NRCAM: variants seen among roughly 807,000 people sequenced by gnomAD.
NRCAM encodes NgCAM-related cell adhesion molecule.
A neutral mutation model predicts 156.5 loss-of-function variants in NRCAM; 83 were observed. The observed-to-expected ratio is 0.53, with a 90% CI of 0.44 to 0.64. NRCAM has a LOEUF of 0.64. NRCAM is among the 30% of genes least tolerant of loss of function. The pLI, the probability that NRCAM is intolerant of heterozygous loss-of-function variation, is 0.00. For missense variants in NRCAM, 1,417 were observed against 1,597.3 expected (o/e 0.89, Z 1.92); for synonymous variants, 538 against 563.9 (o/e 0.95, Z 0.65).
intron 20 of NRCAM, among the ~76,000 whole-genome samples, chr7:108,187,807 T>G: frequency 6.6e-6 from 1 of 151,246 alleles, no homozygotes; most frequent in African/African-American, 2.4e-5. Context: ...AAAAAAAAAG[T>G]AGCCGGGTGT....
chr7:108,242,842 G>T (rs1055639969), intron 3 of NRCAM, among the ~76,000 whole-genome samples: 5 of 152,130 alleles, frequency 3.3e-5, no homozygotes, highest in African/African-American at 9.7e-5. Flanking sequence ...AATTTCTGTT[G>T]TAAGTTCTTC....
chr7:108,156,770 A>G (rs2045732406), intron 32 of NRCAM: 1 of 152,168 alleles, frequency 6.6e-6, no homozygotes, highest in Non-Finnish European at 1.5e-5. Context: ...TCAATAAATA[A>G]TACAGAGCTC....
At chr7:108,242,533 G>A (rs1017681411) in intron 3 of NRCAM, among the ~76,000 whole-genome samples, 4 of 152,110 alleles carry the variant, frequency 2.6e-5, no homozygotes, top group Admixed American at 6.6e-5. Context: ...TAGGTCTCTC[G>A]TGAGTTTTTG....
At chr7:108,299,259 T>A (rs759202818) in intron 3 of NRCAM, among the ~76,000 whole-genome samples, 1 of 151,432 alleles carries the variant, frequency 6.6e-6, no homozygotes, top group Non-Finnish European at 1.5e-5. Flanking sequence ...GAAGCAGTAG[T>A]TACCGAGCTG....
In NRCAM at chr7:108,226,234, T is replaced by C. The variant is rs1391574685; in HGVS notation, c.695A>G (p.Gln232Arg). The C allele has an allele frequency of 6.2e-7, 1 of 1,602,460 alleles. No homozygotes were observed. The highest frequency in any genetic ancestry group is 1.3e-5 in the African/African-American group (1 of 74,640). The change falls in exon 9 of 33, where the codon CAA becomes CGA. Residue 232 changes from glutamine to arginine, a missense_variant. Gln to Arg is a conservative substitution (Grantham distance 43). This residue lies in a region of NRCAM where 1,238 missense variants were observed against 1,336.4 expected (regional missense o/e 0.93). Coordinates refer to ENST00000379028, the MANE Select transcript of NRCAM (RefSeq NM_001037132.4). ...TGAAATCACCTTCACAGAAATAGGTTGCTTCTGCTGTATGGTTTGAGTATG... is the reference window on the plus strand; with the variant it reads ...TGAAATCACCTTCACAGAAATAGGTCGCTTCTGCTGTATGGTTTGAGTATG... ...FNHTQTIQQK[Q>R]PISVKVISVD...
chr7:108,208,499 G>A (rs994927038), intron 12 of NRCAM, among the ~76,000 whole-genome samples: 3 of 152,030 alleles, frequency 2.0e-5, no homozygotes, highest in Non-Finnish European at 2.9e-5. Flanking sequence ...AGTTAACAAT[G>A]GTACTTAACT....
At chr7:108,199,570 A>G (rs2076876992) in intron 13 of NRCAM, among the ~76,000 whole-genome samples, 1 of 152,128 alleles carries the variant, frequency 6.6e-6, no homozygotes, top group Non-Finnish European at 1.5e-5. Flanking sequence ...GGCTGCCCAC[A>G]TTCCTTGGCC....
chr7:108,436,793 C>T (rs1273023256), intron 1 of NRCAM, among the ~76,000 whole-genome samples: 1 of 152,110 alleles, frequency 6.6e-6, no homozygotes, highest in Non-Finnish European at 1.5e-5. Context: ...TAAGGGGAGG[C>T]AACCCTTGCA....
chr7:108,385,462 G>A (rs2099737438), intron 2 of NRCAM, among the ~76,000 whole-genome samples: 1 of 152,232 alleles, frequency 6.6e-6, no homozygotes, highest in African/African-American at 2.4e-5. Context: ...GCATTTTGAG[G>A]TGTGCTCAAA....
intron 2 of NRCAM, among the ~76,000 whole-genome samples, chr7:108,320,070 T>C (rs761485327): frequency 7.9e-5 from 12 of 152,218 alleles, no homozygotes; most frequent in Non-Finnish European, 1.6e-4. Flanking sequence ...AAAACACTTT[T>C]GATAGTGTTT....
intron 1 of NRCAM, among the ~76,000 whole-genome samples, chr7:108,429,536 A>G (rs74583727): frequency 0.011 from 1,689 of 152,326 alleles, 15 homozygotes; most frequent in Non-Finnish European, 0.02. Flanking sequence ...CAAAACAAAG[A>G]CTGGAATTCA....
chr7:108,264,335 T>G (rs980378173), intron 3 of NRCAM, among the ~76,000 whole-genome samples: 1 of 152,242 alleles, frequency 6.6e-6, no homozygotes, highest in Admixed American at 6.5e-5. Context: ...GGAAGACATA[T>G]TTAATGCTGC....
intron 2 of NRCAM, among the ~76,000 whole-genome samples, chr7:108,340,923 T>A (rs923754522): frequency 6.6e-6 from 1 of 152,034 alleles, no homozygotes; most frequent in Non-Finnish European, 1.5e-5. Flanking sequence ...TTTTTCATAA[T>A]AGAGATAAGG....
At chr7:108,207,453 C>T in intron 13 of NRCAM, 75 bp downstream of exon 13, 1 of 1,430,566 alleles carries the variant, frequency 7.0e-7, no homozygotes, top group African/African-American at 1.4e-5. Flanking sequence ...ATTTTTTTAT[C>T]ACCATTTATT....
At chr7:108,308,336 A>C (rs1161857493) in intron 3 of NRCAM, among the ~76,000 whole-genome samples, 1 of 152,242 alleles carries the variant, frequency 6.6e-6, no homozygotes, top group Non-Finnish European at 1.5e-5. Context: ...CCCAGAAAAC[A>C]GTTAAGAACT....
chr7:108,429,578 T>C (rs1440955347), intron 1 of NRCAM, among the ~76,000 whole-genome samples: 1 of 152,262 alleles, frequency 6.6e-6, no homozygotes, highest in East Asian at 1.9e-4. Flanking sequence ...ATTATTAAAT[T>C]GCAAACAATC....
At chr7:108,214,631 T>C (rs1367668962) in intron 11 of NRCAM, among the ~76,000 whole-genome samples, 2 of 152,220 alleles carry the variant, frequency 1.3e-5, no homozygotes, top group African/African-American at 4.8e-5. Flanking sequence ...TAGTTATTTC[T>C]TGTTTTCTGC....
intron 1 of NRCAM, among the ~76,000 whole-genome samples, chr7:108,421,177 G>C (rs1809162883): frequency 6.6e-6 from 1 of 152,100 alleles, no homozygotes; most frequent in South Asian, 2.1e-4. Flanking sequence ...ATGTATATAT[G>C]TGTGTGTATA....
rs2060567120 is a variant in NRCAM at position 108,176,572 on chromosome 7, A to G, written c.3009T>C (p.Asp1003=). ...GTGTCTTGTTGGCAGGAATTTTCAA[A>G]TCTACCAGAGGGCCTAATTCATGTG... The part of the protein sequence containing the change: ...NSTHELGPLV[D]LKIPANKTRW... Residue 1003 remains aspartate, a synonymous_variant, in exon 27 of 33, where the codon GAT becomes GAC. Transcript: ENST00000379028. 6.2e-7 allele frequency: 1 copy of G among 1,613,562 alleles called. No individual in the cohort carries two copies. The highest frequency in any genetic ancestry group is 8.5e-7 in the Non-Finnish European group (1 of 1,179,812).
Sources: gnomAD v4.1 joint callset for allele counts (sites outside exome capture counted in the v4.1 genomes callset) on GRCh38, gnomAD v4.1.1 for gene constraint, gnomAD v4.1.1 regional missense constraint, MANE v1.5 for transcripts, NCBI Gene and HGNC (gene_info 2026-07-23, HGNC 2026-07-21) for gene names.